STK31: variants seen among roughly 807,000 people sequenced by gnomAD.
STK31 encodes the protein serine/threonine-protein kinase 31.
In STK31, 89 loss-of-function variants were observed where a neutral mutation model predicts 129.7. The observed-to-expected ratio is 0.69, with a 90% CI of 0.58 to 0.82. The LOEUF (loss-of-function observed/expected upper bound fraction) is 0.82. Ranked by LOEUF, STK31 falls within the 40% of genes least tolerant of loss-of-function variation. The pLI is 0.00. For synonymous variants in STK31, 448 were observed against 395.3 expected, an observed-to-expected ratio of 1.13 and a Z score of -1.58; for missense variants, 1,187 against 1,176.4, an observed-to-expected ratio of 1.01 and a Z score of -0.13.
intron 1 of STK31, 36 bp downstream of exon 1, chr7:23,710,371 C>T: frequency 6.2e-7 from 1 of 1,613,216 alleles, no homozygotes; most frequent in Non-Finnish European, 8.5e-7. Context: ...GCAGTGGTGG[C>T]CGCTTCAAGG....
intron 23 of STK31, among the ~76,000 whole-genome samples, chr7:23,821,654 A>C (rs1334800279): frequency 6.6e-6 from 1 of 152,094 alleles, no homozygotes; most frequent in Non-Finnish European, 1.5e-5. Flanking sequence ...ATTTTAGTTA[A>C]GTATAGTCCC....
At chr7:23,819,680 C>A (rs1427500296) in intron 23 of STK31, among the ~76,000 whole-genome samples, 1 of 146,618 alleles carries the variant, frequency 6.8e-6, no homozygotes, top group African/African-American at 2.5e-5. Context: ...TCCCAAAGTG[C>A]CTGCCTGACC....
chr7:23,736,528 G>A (rs985820306), intron 7 of STK31, among the ~76,000 whole-genome samples: 6 of 150,136 alleles, frequency 4.0e-5, no homozygotes, highest in Admixed American at 2.7e-4. Context: ...ACTGTCAAAT[G>A]GGGGTGGGAG....
At chr7:23,710,102 G>C (rs1785825358), upstream of STK31, 5 of 1,011,830 alleles carry the variant, frequency 4.9e-6, no homozygotes, top group Non-Finnish European at 7.2e-6. Flanking sequence ...GCAGCAGCCA[G>C]CGTCAGGCGG....
intron 15 of STK31, among the ~76,000 whole-genome samples, chr7:23,778,941 T>C (rs1309651224): frequency 2.0e-5 from 3 of 152,152 alleles, no homozygotes; most frequent in Non-Finnish European, 2.9e-5. Flanking sequence ...TTCACCCTTT[T>C]TGTGCTGGTT....
intron 22 of STK31, among the ~76,000 whole-genome samples, chr7:23,795,151 G>T (rs931648021): frequency 5.3e-5 from 8 of 152,204 alleles, no homozygotes; most frequent in Non-Finnish European, 7.3e-5. Context: ...AGGCACAGAG[G>T]CCTAGGAGGA....
rs201686614 is a variant in STK31, at chr7:23,733,821, A to AT, written c.484-1716dup. 1.7e-3 allele frequency among the ~76,000 whole-genome samples: 252 copies of AT among 152,122 alleles called. 1 individual carries two copies. Among genetic ancestry groups the AT allele is most frequent in the South Asian group, 5.6e-3 (27 of 4,800 alleles). On this transcript the variant is annotated intron_variant, in intron 6 of 23. Coordinates refer to ENST00000355870, the MANE Select transcript of STK31 (RefSeq NM_031414.5). ...CAGACTCCATTCAAAAAATAAAAAA[A>AT]TAAAAAAAAAATGTGTCCCAATGAA...
intron 15 of STK31, among the ~76,000 whole-genome samples, chr7:23,779,669 T>C (rs907935040): frequency 1.6e-5 from 1 of 61,968 alleles, no homozygotes; most frequent in African/African-American, 5.7e-5. Context: ...GCCTCAGTAA[T>C]GACAGAGGCC....
At position 23,791,261 on chromosome 7, in the gene STK31, G is replaced by A. The variant is rs185516936; in HGVS notation, c.2760+315G>A. On this transcript the variant is annotated intron_variant, in intron 22 of 23. Transcript: ENST00000355870. Reference sequence around the variant, plus strand: ...GAAAATAAATGTTAAATAAGCCTTGGGTATATTCCTGCTTCCAGTGTAGAC... The same window carrying A: ...GAAAATAAATGTTAAATAAGCCTTGAGTATATTCCTGCTTCCAGTGTAGAC... 1.1e-5 allele frequency: 11 copies of A among 984,966 alleles called. No homozygotes were observed. The African/African-American group carries it at 1.6e-4, about 14-fold the overall frequency. The allele number at this position is 984,966 out of a possible 1,614,324, so 61.0% of individuals were successfully genotyped here.
intron 23 of STK31, among the ~76,000 whole-genome samples, chr7:23,820,371 G>A (rs1793726562): frequency 6.6e-6 from 1 of 152,086 alleles, no homozygotes; most frequent in Admixed American, 6.6e-5. Context: ...CTGCAGATAG[G>A]GAGTGCTGAC....
intron 16 of STK31, among the ~76,000 whole-genome samples, chr7:23,782,777 C>T (rs1002536807): frequency 2.0e-5 from 3 of 152,026 alleles, no homozygotes; most frequent in Non-Finnish European, 4.4e-5. Flanking sequence ...AACGAAACAG[C>T]TGTTATTTTA....
intron 6 of STK31, among the ~76,000 whole-genome samples, chr7:23,730,399 C>T (rs1386653793): frequency 6.6e-6 from 1 of 152,080 alleles, no homozygotes; most frequent in Non-Finnish European, 1.5e-5. Context: ...GAAACTCAGG[C>T]TTTCATAAAC....
chr7:23,813,061 C>T (rs1638511702), intron 22 of STK31, among the ~76,000 whole-genome samples: 1 of 145,942 alleles, frequency 6.9e-6, no homozygotes, highest in Admixed American at 6.9e-5. Context: ...TCTCACAGGT[C>T]CTTGAGGCTC....
At chr7:23,803,722 C>T (rs1792518461) in intron 22 of STK31, among the ~76,000 whole-genome samples, 1 of 152,224 alleles carries the variant, frequency 6.6e-6, no homozygotes, top group South Asian at 2.1e-4. Flanking sequence ...TTTTTCTGCC[C>T]CTCTCCTTCC....
At chr7:23,811,796 G>A (rs914691102) in intron 22 of STK31, 1 of 152,242 alleles carries the variant, frequency 6.6e-6, no homozygotes, top group East Asian at 1.9e-4. Flanking sequence ...GGTTGGTTTG[G>A]GTATTACAAT....
At position 23,752,606 on chromosome 7, in the gene STK31, G is replaced by T. The variant is rs548382475; in HGVS notation, c.1018-111G>T. On this transcript the variant is annotated intron_variant, in intron 8 of 23. Coordinates refer to ENST00000355870, the MANE Select transcript of STK31 (RefSeq NM_031414.5). ...TCTGTCCTCCTTGGCCTCCCAAAGT[G>T]TTGGAATTACAGGCATGAGCCACTG... is the stretch of plus-strand genomic sequence containing the variant. 9.4e-6 allele frequency: 7 copies of T among 743,002 alleles called. No individual in the cohort carries two copies. In the African/African-American group the frequency reaches 1.2e-4, roughly 13 times the overall value. 46.0% of individuals were successfully genotyped at this position (743,002 alleles called of 1,614,324 possible). A position where few individuals can be genotyped will look rare whatever the true frequency, so the allele number is the denominator to read the frequency against.
chr7:23,790,613 A>G (rs1399936001), intron 21 of STK31, among the ~76,000 whole-genome samples: 1 of 152,192 alleles, frequency 6.6e-6, no homozygotes, highest in African/African-American at 2.4e-5. Flanking sequence ...TCAAGTCTAC[A>G]AAGTGAATGT....
chr7:23,801,592 GT>G (rs1792369924), intron 22 of STK31, among the ~76,000 whole-genome samples: 1 of 152,030 alleles, frequency 6.6e-6, no homozygotes. Flanking sequence ...TGCTTTTAGT[GT>G]TGTGTATAAG....
chr7:23,764,885 A>T (rs1424653169), intron 11 of STK31, among the ~76,000 whole-genome samples: 1 of 152,116 alleles, frequency 6.6e-6, no homozygotes, highest in African/African-American at 2.4e-5. Flanking sequence ...AACCTAAACT[A>T]AAAGTCAAAA....
Sources: gnomAD v4.1 joint callset for allele counts (sites outside exome capture counted in the v4.1 genomes callset) on GRCh38, gnomAD v4.1.1 for gene constraint, MANE v1.5 for transcripts, NCBI Gene and HGNC (gene_info 2026-07-23, HGNC 2026-07-21) for gene names.